PTPN4: variants seen among roughly 807,000 people sequenced by gnomAD.
PTPN4 encodes protein tyrosine phosphatase non-receptor type 4.
PTPN4 carries 49 observed loss-of-function variants against 135.5 expected under a neutral mutation model. That is an observed-to-expected ratio of 0.36 (90% CI 0.29 to 0.46). PTPN4 has a LOEUF of 0.46. PTPN4 is among the 20% of genes least tolerant of loss of function. The pLI, the probability that PTPN4 is intolerant of heterozygous loss-of-function variation, is 1.00. For synonymous variants in PTPN4, 333 were observed against 369.9 expected (o/e 0.90, Z 1.14); for missense variants, 860 against 1,101.0 (o/e 0.78, Z 3.10).
chr2:119,837,189 G>C (rs961070560), intron 2 of PTPN4, among the ~76,000 whole-genome samples: 18 of 152,238 alleles, frequency 1.2e-4, no homozygotes, highest in African/African-American at 4.1e-4. Context: ...CCTCCCTTCT[G>C]AAGTCCCTAA....
chr2:119,790,674 A>G (rs1032427703), intron 1 of PTPN4, among the ~76,000 whole-genome samples: 2 of 152,088 alleles, frequency 1.3e-5, no homozygotes, highest in Admixed American at 6.6e-5. Flanking sequence ...TATTTAGTCC[A>G]TTTACACTTA....
Position 119,856,017 on chromosome 2 carries a change from G to C in PTPN4, c.139-6519G>C, listed in dbSNP as rs548383196. 8.6e-5 allele frequency among the ~76,000 whole-genome samples: 13 copies of C among 152,044 alleles called. No individual in the cohort carries two copies. The South Asian group carries it at 1.0e-3, about 12-fold the overall frequency. ...GACGGGGTTTTACTGTGTTAGCCAG[G>C]ATGGTCTCGATCTCCTGACCTTGTG... On this transcript the variant is annotated intron_variant, in intron 2 of 26. Coordinates refer to ENST00000263708, the MANE Select transcript of PTPN4 (RefSeq NM_002830.4).
At chr2:119,872,421 T>C (rs1056428214) in intron 3 of PTPN4, among the ~76,000 whole-genome samples, 3 of 152,214 alleles carry the variant, frequency 2.0e-5, no homozygotes, top group African/African-American at 7.2e-5. Context: ...TAAAAATGGA[T>C]AGAAAATGGA....
chr2:119,760,290 C>A lies in PTPN4; in HGVS notation c.-112C>A. On this transcript the variant is annotated 5_prime_UTR_variant, in exon 1 of 27. Transcript: ENST00000263708. Reference sequence around the variant, plus strand: ...TGCTCGGGGGGCGCTGAGGTAGCCCCCCGGAGCGGCACGGAGGACGCGCTT... The same window carrying A: ...TGCTCGGGGGGCGCTGAGGTAGCCCACCGGAGCGGCACGGAGGACGCGCTT... 5.1e-6 allele frequency: 2 copies of A among 395,974 alleles called. No individual in the cohort carries two copies. The highest frequency in any genetic ancestry group is 8.8e-5 in the Admixed American group (2 of 22,656). The allele number at this position is 395,974 out of a possible 1,614,324, so 24.5% of individuals were successfully genotyped here. A position where few individuals can be genotyped will look rare whatever the true frequency, so the allele number is the denominator to read the frequency against.
intron 1 of PTPN4, among the ~76,000 whole-genome samples, chr2:119,792,016 C>T (rs1442285479): frequency 1.3e-5 from 2 of 151,956 alleles, no homozygotes; most frequent in Admixed American, 6.6e-5. Flanking sequence ...TCTTTCTGTT[C>T]TTGAGACTGG....
chr2:119,889,909 T>G (rs948972787), intron 9 of PTPN4, among the ~76,000 whole-genome samples: 4 of 152,196 alleles, frequency 2.6e-5, no homozygotes, highest in Non-Finnish European at 5.9e-5. Context: ...TTTAACTAAT[T>G]TGTTGAGACT....
chr2:119,924,697 C>G lies in PTPN4; in HGVS notation c.1002-1901C>G, dbSNP rs373009417. On this transcript the variant is annotated intron_variant, in intron 12 of 26. Transcript: ENST00000263708. Reference sequence around the variant, plus strand: ...TATTATGGACAATATGAAATATAAGCCTTTCTTTCATTAATTTTAAAAAAA... The same window carrying G: ...TATTATGGACAATATGAAATATAAGGCTTTCTTTCATTAATTTTAAAAAAA... 7.4e-5 allele frequency among the ~76,000 whole-genome samples: 11 copies of G among 147,792 alleles called. No homozygotes were observed. The East Asian group carries it at 1.6e-3, about 21-fold the overall frequency.
At chr2:119,871,678 G>GT (rs959014483) in intron 3 of PTPN4, among the ~76,000 whole-genome samples, 5 of 151,810 alleles carry the variant, frequency 3.3e-5, no homozygotes, top group Non-Finnish European at 5.9e-5. Context: ...GGACTTTTAT[G>GT]TTTTTTTGCT....
chr2:119,967,957 G>A lies in PTPN4; in HGVS notation c.2679G>A (p.Met893Ile). 1 of 1,602,550 alleles carries A rather than the reference G, an allele frequency of 6.2e-7. No individual in the cohort carries two copies. Among genetic ancestry groups the A allele is most frequent in the Non-Finnish European group, 8.5e-7 (1 of 1,172,486 alleles). Residue 893 changes from methionine (M) to isoleucine (I), a missense_variant, in exon 26 of 27, where the codon ATG (methionine) becomes ATA (isoleucine). Met to Ile is a conservative substitution (Grantham distance 10). Transcript: ENST00000263708. ...IVRTMRDQRA[M>I]MIQTPSQYRF... The stretch of plus-strand genomic sequence containing the variant: ...GAACAATGAGAGATCAGCGAGCCAT[G>A]ATGATCCAAACACCTGTGAGTACTG...
chr2:119,934,833 G>A lies in PTPN4; in HGVS notation c.1230G>A (p.Arg410=), dbSNP rs779441442. The change falls in exon 15 of 27, where the codon CGG becomes CGA. Residue 410 remains arginine, a synonymous_variant. Transcript: ENST00000263708. The stretch of plus-strand genomic sequence containing the variant: ...CTACATTCACGCAGGAAGGAACCCG[G>A]TTACGACCATCTTCAGTTGGTCATT... ...RNSTFTQEGT[R]LRPSSVGHLV... 3 of 1,613,950 alleles carry A rather than the reference G, an allele frequency of 1.9e-6. No homozygotes were observed. The highest frequency in any genetic ancestry group is 2.5e-6 in the Non-Finnish European group (3 of 1,179,902).
intron 15 of PTPN4, among the ~76,000 whole-genome samples, chr2:119,944,120 T>C (rs918264146): frequency 2.6e-5 from 4 of 152,222 alleles, no homozygotes; most frequent in African/African-American, 7.2e-5. Context: ...GTATAAAATG[T>C]GTGCTTCAGT....
At chr2:119,864,084 A>G (rs1340239180) in intron 3 of PTPN4, among the ~76,000 whole-genome samples, 1 of 152,168 alleles carries the variant, frequency 6.6e-6, no homozygotes, top group African/African-American at 2.4e-5. Flanking sequence ...AAGTTTTTAA[A>G]GAATAAAGAG....
intron 2 of PTPN4, among the ~76,000 whole-genome samples, chr2:119,847,307 CACACACACAT>C (rs1422727585): frequency 1.5e-4 from 15 of 100,830 alleles, no homozygotes; most frequent in African/African-American, 3.8e-4. Context: ...CACACACACA[CACACACACAT>C]ATATATATAT....
At chr2:119,974,625 CTATCAGAAAA>C (rs1469391123) in intron 26 of PTPN4, among the ~76,000 whole-genome samples, 1 of 152,138 alleles carries the variant, frequency 6.6e-6, no homozygotes, top group Non-Finnish European at 1.5e-5. Context: ...AGCTTTGTTG[CTATCAGAAAA>C]TATATCCAGG....
chr2:119,963,131 A>T (rs1420637053), intron 24 of PTPN4, among the ~76,000 whole-genome samples: 1 of 152,210 alleles, frequency 6.6e-6, no homozygotes, highest in South Asian at 2.1e-4. Flanking sequence ...GAAAGCTATT[A>T]AATTATTTTC....
intron 9 of PTPN4, among the ~76,000 whole-genome samples, chr2:119,890,272 C>T (rs1309047696): frequency 6.8e-6 from 1 of 147,572 alleles, no homozygotes; most frequent in South Asian, 2.1e-4. Flanking sequence ...CCTTCTTTGT[C>T]TTTTTTTTTT....
intron 1 of PTPN4, among the ~76,000 whole-genome samples, chr2:119,797,475 G>C (rs1435326892): frequency 6.6e-6 from 1 of 152,144 alleles, no homozygotes; most frequent in African/African-American, 2.4e-5. Flanking sequence ...TCTTTGTTTT[G>C]TTCCTGATAT....
chr2:119,974,882 C>T (rs1260638385), intron 26 of PTPN4, among the ~76,000 whole-genome samples: 2 of 152,140 alleles, frequency 1.3e-5, no homozygotes, highest in Admixed American at 1.3e-4. Context: ...TTTACTTAGC[C>T]TCTTTTACAT....
chr2:119,965,728 G>A (rs541415970), intron 25 of PTPN4, 83 bp downstream of exon 25: 67 of 1,455,416 alleles, frequency 4.6e-5, no homozygotes, highest in East Asian at 2.8e-4. Context: ...TGTCCTTATG[G>A]TGTTATTGTC....
Sources: gnomAD v4.1 joint callset for allele counts (sites outside exome capture counted in the v4.1 genomes callset) on GRCh38, gnomAD v4.1.1 for gene constraint, MANE v1.5 for transcripts, NCBI Gene and HGNC (gene_info 2026-07-23, HGNC 2026-07-21) for gene names.